REEP1: variants seen among roughly 807,000 people sequenced by gnomAD.
REEP1 encodes receptor expression-enhancing protein 1.
Under a neutral mutation model 40.3 loss-of-function variants are expected in REEP1, and 22 were observed. The observed-to-expected ratio is 0.55, with a 90% confidence interval of 0.39 to 0.78. The LOEUF is 0.78. Among genes scored for constraint, REEP1 ranks in the 30% least tolerant of loss-of-function variants. The pLI is 0.00. For synonymous variants in REEP1, 116 were observed against 139.2 expected (o/e 0.83, Z 1.17); for missense variants, 280 against 361.1 (o/e 0.78, Z 1.82).
chr2:86,323,606 A>C lies in REEP1; in HGVS notation c.32+13873T>G, dbSNP rs140681062. Among the ~76,000 whole-genome samples the C allele has an allele frequency of 2.7e-3, 418 of 152,310 alleles. 3 individuals carry two copies. Among genetic ancestry groups the C allele is most frequent in the African/African-American group, 9.7e-3 (403 of 41,562 alleles). On this transcript the variant is annotated intron_variant, in intron 1 of 8. Transcript: ENST00000538924. ...ACGAATGCCTGATGATCTGAGGTGG[A>C]ACAGTTTCATCCTAAAACTGCCCCC...
At chr2:86,252,517 A>G (rs1275071498) in intron 4 of REEP1, among the ~76,000 whole-genome samples, 2 of 152,208 alleles carry the variant, frequency 1.3e-5, no homozygotes, top group Non-Finnish European at 2.9e-5. Flanking sequence ...GTCTTCTGAA[A>G]AACGAGGATA....
intron 1 of REEP1, among the ~76,000 whole-genome samples, chr2:86,315,558 G>GTGCC (rs1487073040): frequency 6.6e-6 from 1 of 152,226 alleles, no homozygotes; most frequent in African/African-American, 2.4e-5. Context: ...GCTCACTCAA[G>GTGCC]ACCAGATGAT....
chr2:86,284,714 C>T (rs745818759), intron 1 of REEP1, among the ~76,000 whole-genome samples: 4 of 152,152 alleles, frequency 2.6e-5, no homozygotes, highest in Admixed American at 6.5e-5. Flanking sequence ...GGAAGTACAG[C>T]GCTACCCAGG....
At chr2:86,222,707 C>G (rs1674492890) in intron 7 of REEP1, among the ~76,000 whole-genome samples, 1 of 152,216 alleles carries the variant, frequency 6.6e-6, no homozygotes, top group South Asian at 2.1e-4. Context: ...CCACTCCCTT[C>G]TCCCCATGCT....
chr2:86,271,451 T>A (rs34339158), intron 2 of REEP1, among the ~76,000 whole-genome samples: 1 of 151,986 alleles, frequency 6.6e-6, no homozygotes, highest in Non-Finnish European at 1.5e-5. Flanking sequence ...TGACTTTTCA[T>A]TGGAAAAAAT....
intron 3 of REEP1, among the ~76,000 whole-genome samples, 190 bp downstream of exon 3, chr2:86,263,775 A>G (rs1574052497): frequency 6.6e-6 from 1 of 152,210 alleles, no homozygotes; most frequent in Non-Finnish European, 1.5e-5. Context: ...TTATAAGGTC[A>G]TTCAATAAAT....
chr2:86,242,211 A>G (rs1372006260), intron 5 of REEP1, among the ~76,000 whole-genome samples: 1 of 152,190 alleles, frequency 6.6e-6, no homozygotes, highest in East Asian at 1.9e-4. Flanking sequence ...CCCTGTTTGC[A>G]GGTGAAGAAG....
chr2:86,312,288 G>A (rs1679799615), intron 1 of REEP1, among the ~76,000 whole-genome samples: 1 of 152,152 alleles, frequency 6.6e-6, no homozygotes, highest in Non-Finnish European at 1.5e-5. Flanking sequence ...GGCTGCAGAA[G>A]GGAATCCAAA....
chr2:86,229,571 G>A (rs78713630), intron 6 of REEP1, among the ~76,000 whole-genome samples: 5,052 of 140,974 alleles, frequency 0.036, 125 homozygotes, highest in East Asian at 0.077. Context: ...CCATATCCAC[G>A]CCCCAGGCCA....
intron 1 of REEP1, among the ~76,000 whole-genome samples, chr2:86,291,470 C>A (rs1025023656): frequency 2.0e-5 from 3 of 152,166 alleles, no homozygotes; most frequent in African/African-American, 7.2e-5. Context: ...TCTCTGTAGT[C>A]TTTCCTTTCC....
chr2:86,250,790 A>G (rs1391533429), intron 5 of REEP1, among the ~76,000 whole-genome samples: 1 of 152,154 alleles, frequency 6.6e-6, no homozygotes, highest in Non-Finnish European at 1.5e-5. Flanking sequence ...GGTACTTTTC[A>G]AGCAACTACC....
intron 7 of REEP1, among the ~76,000 whole-genome samples, chr2:86,221,206 TA>T (rs1212415241): frequency 5.3e-5 from 8 of 151,744 alleles, no homozygotes; most frequent in Non-Finnish European, 1.2e-4. Flanking sequence ...AGGCGTGGAG[TA>T]AAAAAACAGA....
intron 1 of REEP1, among the ~76,000 whole-genome samples, chr2:86,310,017 A>G (rs897245514): frequency 2.6e-5 from 4 of 152,190 alleles, no homozygotes; most frequent in African/African-American, 7.2e-5. Flanking sequence ...GGGGCCTACC[A>G]TGATCACCAA....
At chr2:86,220,982 C>G (rs891497145) in intron 7 of REEP1, among the ~76,000 whole-genome samples, 1 of 152,158 alleles carries the variant, frequency 6.6e-6, no homozygotes, top group East Asian at 1.9e-4. Flanking sequence ...TCTGGTATCA[C>G]ACACACACAT....
chr2:86,268,667 TTAATA>T (rs1677273257), intron 2 of REEP1, among the ~76,000 whole-genome samples: 1 of 152,000 alleles, frequency 6.6e-6, no homozygotes, highest in African/African-American at 2.4e-5. Context: ...ACCAGAACAA[TTAATA>T]TAATACAAAA....
At chr2:86,296,486 C>A (rs574769759) in intron 1 of REEP1, among the ~76,000 whole-genome samples, 2 of 152,204 alleles carry the variant, frequency 1.3e-5, no homozygotes, top group Non-Finnish European at 2.9e-5. Flanking sequence ...ATTTTGATCA[C>A]ATGTATTTGT....
intron 5 of REEP1, 71 bp downstream of exon 5, chr2:86,251,886 C>T (rs750775472): frequency 3.4e-5 from 35 of 1,035,942 alleles, no homozygotes; most frequent in African/African-American, 1.7e-4. Context: ...TCTGTGTGGT[C>T]GCACAGGTGA....
intron 5 of REEP1, among the ~76,000 whole-genome samples, chr2:86,237,851 A>C (rs984074588): frequency 6.6e-6 from 1 of 152,002 alleles, no homozygotes; most frequent in Non-Finnish European, 1.5e-5. Context: ...TAAAAGTGAC[A>C]AAAAAAAGAT....
At chr2:86,287,015 T>G (rs1007238857) in intron 1 of REEP1, among the ~76,000 whole-genome samples, 10 of 152,202 alleles carry the variant, frequency 6.6e-5, no homozygotes, top group Non-Finnish European at 1.2e-4. Flanking sequence ...ACACAAGGGC[T>G]TCTGGAATGC....
Sources: gnomAD v4.1 joint callset for allele counts (sites outside exome capture counted in the v4.1 genomes callset) on GRCh38, gnomAD v4.1.1 for gene constraint, MANE v1.5 for transcripts, NCBI Gene and HGNC (gene_info 2026-07-23, HGNC 2026-07-21) for gene names.